The following CUX1 variants were observed in gnomAD, a reference collection of about 807,000 sequenced individuals.
The protein encoded by CUX1 is protein CASP.
Under a neutral mutation model 158.8 loss-of-function variants are expected in CUX1, and 31 were observed. The ratio of observed to expected loss-of-function variants is 0.20; its 90% CI spans 0.15 to 0.26. CUX1 has a LOEUF of 0.26. Among genes scored for constraint, CUX1 ranks in the 10% least tolerant of loss-of-function variants. The pLI is 1.00. For synonymous variants in CUX1, 879 were observed against 862.1 expected (o/e 1.02, Z -0.34); for missense variants, 1,589 against 2,014.6 (o/e 0.79, Z 4.04).
In CUX1 at chr7:102,046,569, A is replaced by ATTTTTTTTTTTTTTTTT. The variant is rs55753644; in HGVS notation, c.189+18435_189+18451dup. On this transcript the variant is annotated intron_variant, in intron 3 of 23. Transcript: ENST00000292535. ...CCTGTTCTGTTTTGGTTTGGTTTGG[A>ATTTTTTTTTTTTTTTTT]TTTTTTTTTTTTTTTTTTTTTTTTT... is the stretch of plus-strand genomic sequence containing the variant. 3.8e-3 allele frequency among the ~76,000 whole-genome samples: 212 copies of ATTTTTTTTTTTTTTTTT among 55,466 alleles called. 20 individuals are homozygous for ATTTTTTTTTTTTTTTTT. The highest frequency in any genetic ancestry group is 6.7e-3 in the African/African-American group (82 of 12,212). 36.4% of individuals were successfully genotyped at this position (55,466 alleles called of 152,430 possible).
chr7:101,858,641 G>T (rs1797130204), intron 1 of CUX1, among the ~76,000 whole-genome samples: 1 of 150,852 alleles, frequency 6.6e-6, no homozygotes, highest in Non-Finnish European at 1.5e-5. Flanking sequence ...GGTATACTTT[G>T]GCCCTTAGAA....
At chr7:101,987,863 C>T (rs893950567) in intron 2 of CUX1, among the ~76,000 whole-genome samples, 4 of 152,204 alleles carry the variant, frequency 2.6e-5, no homozygotes, top group South Asian at 2.1e-4. Context: ...AAAGTCTAAA[C>T]GAACTCTTGA....
intron 8 of CUX1, among the ~76,000 whole-genome samples, chr7:102,132,282 TGAGA>T (rs1229139014): frequency 6.0e-5 from 8 of 133,724 alleles, no homozygotes; most frequent in Admixed American, 7.9e-5. Context: ...GCAATATATA[TGAGA>T]GAGAGAGTGT....
chr7:102,067,635 T>C (rs1825693800), intron 3 of CUX1, among the ~76,000 whole-genome samples: 1 of 152,098 alleles, frequency 6.6e-6, no homozygotes, highest in Non-Finnish European at 1.5e-5. Context: ...AATTATACTT[T>C]TAAATTTTTT....
At chr7:102,032,192 G>A (rs1047562948) in intron 3 of CUX1, among the ~76,000 whole-genome samples, 5 of 151,874 alleles carry the variant, frequency 3.3e-5, no homozygotes, top group Non-Finnish European at 5.9e-5. Context: ...GCCTCCCAGA[G>A]GGCTGGGATT....
intron 11 of CUX1, among the ~76,000 whole-genome samples, chr7:102,189,373 G>C (rs1554516261): frequency 7.9e-6 from 1 of 125,900 alleles, no homozygotes; most frequent in East Asian, 2.1e-4. Flanking sequence ...TGCGGGGGGG[G>C]ATGCTTTTTT....
chr7:102,258,037 G>A lies in CUX1; in HGVS notation c.*8995G>A, dbSNP rs1015451408. ...AAGTTGACCTGGCTGGCGTGGGGGT[G>A]GGGGAGGCACCCGTCGGCCCCTTGG... On this transcript the variant is annotated 3_prime_UTR_variant, in exon 24 of 24. Coordinates refer to ENST00000292535, the MANE Select transcript of CUX1 (RefSeq NM_181552.4). The A allele has an allele frequency of 2.5e-5, 25 of 984,968 alleles. No individual in the cohort carries two copies. The highest frequency in any genetic ancestry group is 2.9e-5 in the Non-Finnish European group (24 of 829,862). 61.0% of individuals were successfully genotyped at this position (984,968 alleles called of 1,614,324 possible). A position where few individuals can be genotyped will look rare whatever the true frequency, so the allele number is the denominator to read the frequency against.
intron 2 of CUX1, among the ~76,000 whole-genome samples, chr7:101,969,316 C>T: frequency 8.0e-6 from 1 of 124,526 alleles, no homozygotes; most frequent in Admixed American, 1.1e-4. Flanking sequence ...TCCTGGGTGA[C>T]AGAGCAAGAC....
At chr7:101,887,560 C>T (rs1395482782) in intron 1 of CUX1, among the ~76,000 whole-genome samples, 4 of 152,100 alleles carry the variant, frequency 2.6e-5, no homozygotes, top group African/African-American at 4.8e-5. Context: ...CCTCCTGCCT[C>T]GGCCTCCCAA....
intron 2 of CUX1, among the ~76,000 whole-genome samples, chr7:101,920,661 A>G (rs1170526559): frequency 6.6e-6 from 1 of 152,228 alleles, no homozygotes; most frequent in Non-Finnish European, 1.5e-5. Context: ...TAATCCAGAA[A>G]TTGTAGTTAA....
chr7:102,073,799 T>C (rs1202842774), intron 4 of CUX1, among the ~76,000 whole-genome samples: 1 of 152,222 alleles, frequency 6.6e-6, no homozygotes, highest in African/African-American at 2.4e-5. Flanking sequence ...CCTATATTGG[T>C]AATATTCTTC....
intron 2 of CUX1, among the ~76,000 whole-genome samples, chr7:101,986,895 C>G (rs1447344484): frequency 6.6e-6 from 1 of 152,158 alleles, no homozygotes; most frequent in Non-Finnish European, 1.5e-5. Flanking sequence ...TCAGTGGCTC[C>G]CTGTGGCCTG....
At chr7:102,152,780 T>C (rs1411599549) in intron 8 of CUX1, among the ~76,000 whole-genome samples, 1 of 152,220 alleles carries the variant, frequency 6.6e-6, no homozygotes, top group Non-Finnish European at 1.5e-5. Context: ...TGGTCCCTTC[T>C]GTGAATGGAG....
At chr7:102,076,216 T>A (rs908566820) in intron 4 of CUX1, among the ~76,000 whole-genome samples, 1 of 152,046 alleles carries the variant, frequency 6.6e-6, no homozygotes, top group Admixed American at 6.6e-5. Flanking sequence ...ACCTCGTCTC[T>A]ACTAAAAAAA....
intron 2 of CUX1, among the ~76,000 whole-genome samples, chr7:101,950,342 T>C (rs563833665): frequency 6.6e-6 from 1 of 152,186 alleles, no homozygotes; most frequent in Admixed American, 6.5e-5. Flanking sequence ...ATAAGAAAAT[T>C]ATATGAAATT....
At chr7:101,906,951 T>A (rs2131815673) in intron 1 of CUX1, among the ~76,000 whole-genome samples, 1 of 152,246 alleles carries the variant, frequency 6.6e-6, no homozygotes, top group African/African-American at 2.4e-5. Context: ...GTGGAAACCC[T>A]GGCTTCCTGG....
In CUX1 at chr7:102,195,552, T is replaced by C; in HGVS notation, c.1171T>C (p.Ser391Pro). ...GGTGCTGTTGCTGGAGAAGAACCGC[T>C]CGCTGCAGTCCGAGAACGCCGCGCT... is the stretch of plus-strand genomic sequence containing the variant. The part of the protein sequence containing the change: ...LEVLLLEKNR[S>P]LQSENAALRI... Residue 391 changes from serine (S) to proline (P), a missense_variant, in exon 14 of 24, where the codon TCG (serine) becomes CCG (proline). Physicochemically the swap from Ser to Pro is moderately conservative, Grantham distance 74. Coordinates refer to ENST00000292535, the MANE Select transcript of CUX1 (RefSeq NM_181552.4). 1 of 1,613,174 alleles carries C rather than the reference T, an allele frequency of 6.2e-7. No individual in the cohort carries two copies. Among genetic ancestry groups the C allele is most frequent in the South Asian group, 1.1e-5 (1 of 90,960 alleles).
At chr7:102,189,687 A>T in intron 11 of CUX1, 126 bp from the exon 12 acceptor site, 1 of 977,140 alleles carries the variant, frequency 1.0e-6, no homozygotes, top group South Asian at 1.4e-5. Context: ...AGCACCGTTG[A>T]CTCCATTCGC....
In CUX1 at chr7:101,956,333, C is replaced by T. The variant is rs115193166; in HGVS notation, c.141+40108C>T. ...ATCATTTCCATTTCTGTGCCGAGATCGGCCTTTTGCAGAGATAGATGGGTT... is the reference window on the plus strand; with the variant it reads ...ATCATTTCCATTTCTGTGCCGAGATTGGCCTTTTGCAGAGATAGATGGGTT... On this transcript the variant is annotated intron_variant, in intron 2 of 23. Transcript: ENST00000292535. Among the ~76,000 whole-genome samples, 818 of 152,188 alleles carry T rather than the reference C, an allele frequency of 5.4e-3. 11 individuals are homozygous for T. The highest frequency in any genetic ancestry group is 0.018 in the African/African-American group (743 of 41,526).
Sources: gnomAD v4.1 joint callset for allele counts (sites outside exome capture counted in the v4.1 genomes callset) on GRCh38, gnomAD v4.1.1 for gene constraint, MANE v1.5 for transcripts, NCBI Gene and HGNC (gene_info 2026-07-23, HGNC 2026-07-21) for gene names.